ROBO2: variants seen among roughly 807,000 people sequenced by gnomAD.
ROBO2 encodes roundabout homolog 2.
In ROBO2, 53 loss-of-function variants were observed where a neutral mutation model predicts 160.8. The observed-to-expected ratio is 0.33, with a 90% CI of 0.26 to 0.41. The LOEUF is 0.41. Among genes scored for constraint, ROBO2 ranks in the 10% least tolerant of loss-of-function variants. The pLI, the probability that ROBO2 is intolerant of heterozygous loss-of-function variation, is 1.00. For synonymous variants in ROBO2, 664 were observed against 611.7 expected (o/e 1.09, Z -1.26); for missense variants, 1,577 against 1,722.4 (o/e 0.92, Z 1.49).
At chr3:76,565,698 C>A (rs760623304) in intron 2 of ROBO2, among the ~76,000 whole-genome samples, 4 of 152,122 alleles carry the variant, frequency 2.6e-5, no homozygotes, top group Non-Finnish European at 5.9e-5. Context: ...TAAGGGTTGA[C>A]CACTCTGTGT....
chr3:77,262,047 C>T (rs371792553), intron 2 of ROBO2, among the ~76,000 whole-genome samples: 6 of 152,162 alleles, frequency 3.9e-5, no homozygotes, highest in South Asian at 4.2e-4. Flanking sequence ...TCAAGTTGCC[C>T]GCCTCATAAT....
chr3:75,968,688 A>T (rs1183895993), intron 2 of ROBO2, among the ~76,000 whole-genome samples: 1 of 151,556 alleles, frequency 6.6e-6, no homozygotes, highest in Non-Finnish European at 1.5e-5. Flanking sequence ...CAACTTACTC[A>T]TCCTACATGA....
At chr3:77,343,735 T>C (rs1161269624) in intron 2 of ROBO2, among the ~76,000 whole-genome samples, 2 of 152,108 alleles carry the variant, frequency 1.3e-5, no homozygotes, top group African/African-American at 2.4e-5. Context: ...TCAATAATGA[T>C]AGCATCTGAT....
intron 12 of ROBO2, among the ~76,000 whole-genome samples, chr3:77,567,446 A>C (rs1201354592): frequency 6.6e-6 from 1 of 152,036 alleles, no homozygotes; most frequent in Non-Finnish European, 1.5e-5. Context: ...GACACAGCCT[A>C]TAATTTATCC....
intron 2 of ROBO2, among the ~76,000 whole-genome samples, chr3:76,282,899 G>A (rs1276372553): frequency 6.6e-6 from 1 of 151,516 alleles, no homozygotes. Context: ...AGCACAAGAA[G>A]ATAATAAGTA....
intron 2 of ROBO2, among the ~76,000 whole-genome samples, chr3:76,949,333 A>C (rs2078814285): frequency 1.3e-5 from 2 of 152,142 alleles, no homozygotes. Flanking sequence ...TTCTAGCTGC[A>C]TCCAGTCCCC....
intron 2 of ROBO2, among the ~76,000 whole-genome samples, chr3:76,055,278 G>T (rs528863971): frequency 8.5e-5 from 13 of 152,252 alleles, no homozygotes; most frequent in African/African-American, 3.1e-4. Context: ...GATGAGATTT[G>T]GGTGGGGACA....
intron 2 of ROBO2, among the ~76,000 whole-genome samples, chr3:76,971,203 A>G (rs1331339470): frequency 2.0e-5 from 3 of 152,186 alleles, no homozygotes; most frequent in Admixed American, 2.0e-4. Context: ...TATTCCGAAC[A>G]TAATCTACTG....
intron 2 of ROBO2, among the ~76,000 whole-genome samples, chr3:77,264,435 T>A (rs1276138118): frequency 1.3e-5 from 2 of 152,208 alleles, no homozygotes; most frequent in Non-Finnish European, 2.9e-5. Context: ...GGATTTTTTT[T>A]CTCCTGTGCT....
At chr3:76,755,240 CA>C (rs1160397241) in intron 2 of ROBO2, among the ~76,000 whole-genome samples, 3 of 151,520 alleles carry the variant, frequency 2.0e-5, no homozygotes, top group African/African-American at 7.3e-5. Context: ...GAATATTTAC[CA>C]AACAGTTTTC....
intron 2 of ROBO2, among the ~76,000 whole-genome samples, chr3:76,995,136 C>A (rs1380472179): frequency 8.6e-6 from 1 of 116,560 alleles, no homozygotes; most frequent in Non-Finnish European, 1.6e-5. Context: ...TGTGTGATGT[C>A]CCCCTTCCTG....
chr3:76,977,500 C>T (rs1301865846), intron 2 of ROBO2, among the ~76,000 whole-genome samples: 1 of 152,008 alleles, frequency 6.6e-6, no homozygotes, highest in Non-Finnish European at 1.5e-5. Context: ...GGTGCTGGTG[C>T]AAAGAAAAGC....
intron 2 of ROBO2, among the ~76,000 whole-genome samples, chr3:76,141,159 C>CTCTCTCTATATA (rs1364431015): frequency 5.5e-4 from 5 of 9,174 alleles, no homozygotes; most frequent in Non-Finnish European, 9.0e-4. Context: ...CTCTCTCTCT[C>CTCTCTCTATATA]TATATATATA....
chr3:76,815,118 C>G (rs1007384937), intron 2 of ROBO2, among the ~76,000 whole-genome samples: 7 of 151,966 alleles, frequency 4.6e-5, no homozygotes, highest in Admixed American at 1.3e-4. Context: ...AGCCAAGCTA[C>G]CGATCTATTG....
At chr3:75,937,682 C>T (rs73123284) in intron 2 of ROBO2, 385 of 868,766 alleles carry the variant, frequency 4.4e-4, no homozygotes, top group Non-Finnish European at 5.3e-4. Flanking sequence ...GTCTTTGGTT[C>T]GACGTTTAAG....
At chr3:76,931,162 T>A (rs2077313060) in intron 2 of ROBO2, among the ~76,000 whole-genome samples, 1 of 152,210 alleles carries the variant, frequency 6.6e-6, no homozygotes, top group South Asian at 2.1e-4. Flanking sequence ...TTTCTAGTTT[T>A]GCCATCAGTA....
intron 2 of ROBO2, among the ~76,000 whole-genome samples, chr3:77,101,338 T>A (rs1411924312): frequency 6.6e-6 from 1 of 152,142 alleles, no homozygotes; most frequent in African/African-American, 2.4e-5. Context: ...GGGTATATAG[T>A]GCTACCATCC....
chr3:77,563,336 G>C lies in ROBO2; in HGVS notation c.1682+7G>C, dbSNP rs761500576. On this transcript the variant is annotated splice_region_variant and intron_variant, in intron 11 of 25. Coordinates refer to ENST00000461745, the Ensembl canonical transcript of ROBO2. ...ATATCATTGAGGCTTTCAGGTATGG[G>C]ACAATTCCTTCTTTCTCCACTGGGT... is the stretch of plus-strand genomic sequence containing the variant. 8 of 1,613,166 alleles carry C rather than the reference G, an allele frequency of 5.0e-6. No individual in the cohort carries two copies. The highest frequency in any genetic ancestry group is 2.2e-5 in the East Asian group (1 of 44,828).
At chr3:77,473,479 A>T (rs1480932130) in intron 2 of ROBO2, among the ~76,000 whole-genome samples, 6 of 40,444 alleles carry the variant, frequency 1.5e-4, no homozygotes, top group African/African-American at 2.2e-4. Flanking sequence ...TTTTTTTTTG[A>T]GACAAAGTCT....
Sources: gnomAD v4.1 joint callset for allele counts (sites outside exome capture counted in the v4.1 genomes callset) on GRCh38, gnomAD v4.1.1 for gene constraint, MANE v1.5 for transcripts, NCBI Gene and HGNC (gene_info 2026-07-23, HGNC 2026-07-21) for gene names.